The following GALNT18 variants were observed in gnomAD, a reference collection of about 807,000 sequenced individuals.
The protein encoded by GALNT18 is polypeptide N-acetylgalactosaminyltransferase 18, also known as GalNAc-transferase 18.
GALNT18 carries 44 observed loss-of-function variants against 69.5 expected under a neutral mutation model. The ratio of observed to expected loss-of-function variants is 0.63; its 90% CI spans 0.50 to 0.81. GALNT18 has a LOEUF of 0.81. Among genes scored for constraint, GALNT18 ranks in the 40% least tolerant of loss-of-function variants. GALNT18 has a pLI of 0.00. For missense variants in GALNT18, 715 were observed against 810.0 expected (o/e 0.88, Z 1.42); for synonymous variants, 364 against 318.2 (o/e 1.14, Z -1.53).
At chr11:11,395,205 C>T (rs1854299253) in intron 3 of GALNT18, among the ~76,000 whole-genome samples, 1 of 152,212 alleles carries the variant, frequency 6.6e-6, no homozygotes, top group Admixed American at 6.5e-5. Context: ...GCTGGTGTCC[C>T]CATGCCTCTA....
At position 11,592,659 on chromosome 11, in the gene GALNT18, T is replaced by C. The variant is rs567708028; in HGVS notation, c.235+28700A>G. Among the ~76,000 whole-genome samples, 1 of 152,246 alleles carries C rather than the reference T, an allele frequency of 6.6e-6. No homozygotes were observed. The highest frequency in any genetic ancestry group is 2.4e-5 in the African/African-American group (1 of 41,540). ...TGAGAAACAGTGGGAACATCCTTCA[T>C]GTAAAAATCCCACCACTCCCCAAAG... On this transcript the variant is annotated intron_variant, in intron 1 of 10. Transcript: ENST00000227756. This position sits in a 1 kb window ranked among gnomAD's most constrained non-coding sequence, Gnocchi z 5.9.
chr11:11,296,338 T>TCAA (rs1849400979), intron 9 of GALNT18, among the ~76,000 whole-genome samples: 1 of 152,168 alleles, frequency 6.6e-6, no homozygotes, highest in African/African-American at 2.4e-5. Context: ...CCCTGAATAT[T>TCAA]CAACTGTGTG....
At chr11:11,277,466 G>A (rs147393208) in intron 10 of GALNT18, among the ~76,000 whole-genome samples, 21,233 of 152,028 alleles carry the variant, frequency 0.14, 1,765 homozygotes, top group South Asian at 0.23. Flanking sequence ...TGGATTCATT[G>A]ATTGTTTGAA....
intron 8 of GALNT18, 31 bp from the exon 9 acceptor site, chr11:11,327,212 AAG>A (rs779503493): frequency 2.8e-6 from 4 of 1,448,202 alleles, no homozygotes; most frequent in East Asian, 2.3e-5. Flanking sequence ...GGCCACACCA[AAG>A]AGAGAGGAAC....
rs578138010 is a variant in GALNT18, at chr11:11,538,767, C to A, written c.235+82592G>T. Among the ~76,000 whole-genome samples the A allele has an allele frequency of 4.6e-5, 7 of 152,284 alleles. No homozygotes were observed. The East Asian group carries it at 1.4e-3, about 30-fold the overall frequency. On this transcript the variant is annotated intron_variant, in intron 1 of 10. Coordinates refer to ENST00000227756, the MANE Select transcript of GALNT18 (RefSeq NM_198516.3). This position sits in a 1 kb window ranked among gnomAD's most constrained non-coding sequence, Gnocchi z 5.2. ...GAGGCGCCATCTGGGAAGCACCTGG[C>A]CCCAGGGCCTGCACATCGCAGGCCC...
Position 11,546,701 on chromosome 11 carries a change from T to G in GALNT18, c.235+74658A>C, listed in dbSNP as rs759361695. Among the ~76,000 whole-genome samples the G allele has an allele frequency of 7.2e-5, 11 of 152,224 alleles. No homozygotes were observed. Among genetic ancestry groups the G allele is most frequent in the South Asian group, 2.1e-4 (1 of 4,834 alleles). ...AATACACCTATTCCTCAAACAGGCCTTGGTATCTACTGCAGTAGATACCCC... is the reference window on the plus strand; with the variant it reads ...AATACACCTATTCCTCAAACAGGCCGTGGTATCTACTGCAGTAGATACCCC... On this transcript the variant is annotated intron_variant, in intron 1 of 10. Transcript: ENST00000227756. This position sits in a 1 kb window ranked among gnomAD's most constrained non-coding sequence, Gnocchi z 5.8.
intron 8 of GALNT18, among the ~76,000 whole-genome samples, chr11:11,330,682 C>T (rs1032517583): frequency 5.3e-5 from 8 of 152,224 alleles, no homozygotes; most frequent in East Asian, 1.9e-4. Context: ...TAGATCACAA[C>T]CCTGTATTTG....
intron 8 of GALNT18, among the ~76,000 whole-genome samples, chr11:11,328,634 A>T (rs1849966591): frequency 6.6e-6 from 1 of 152,188 alleles, no homozygotes; most frequent in Non-Finnish European, 1.5e-5. Flanking sequence ...CCAAACTTGC[A>T]GTTCAGGGAT....
chr11:11,488,343 T>G (rs1022466785), intron 1 of GALNT18, among the ~76,000 whole-genome samples: 1 of 152,098 alleles, frequency 6.6e-6, no homozygotes, highest in African/African-American at 2.4e-5. Context: ...TCTTCGTCTG[T>G]CTTCACAGTC....
At chr11:11,450,524 G>T (rs1314453394) in intron 1 of GALNT18, among the ~76,000 whole-genome samples, 3 of 152,206 alleles carry the variant, frequency 2.0e-5, no homozygotes, top group Non-Finnish European at 4.4e-5. Context: ...AGGGGACTTA[G>T]CAAGCTCACG....
intron 1 of GALNT18, among the ~76,000 whole-genome samples, chr11:11,484,302 G>C (rs1856596001): frequency 6.6e-6 from 1 of 151,898 alleles, no homozygotes; most frequent in South Asian, 2.1e-4. Context: ...TTCAAATATA[G>C]CCAGGTGAGG....
At chr11:11,477,631 G>A (rs752730502) in intron 1 of GALNT18, among the ~76,000 whole-genome samples, 1 of 152,200 alleles carries the variant, frequency 6.6e-6, no homozygotes, top group Non-Finnish European at 1.5e-5. Context: ...TCCTCTAGTA[G>A]AATTAACAGC....
chr11:11,397,149 A>AAT (rs759027605), intron 3 of GALNT18, among the ~76,000 whole-genome samples: 8 of 152,100 alleles, frequency 5.3e-5, no homozygotes, highest in Non-Finnish European at 1.0e-4. Context: ...GCTCTATTCA[A>AAT]AGCCTTTTGG....
At position 11,387,627 on chromosome 11, in the gene GALNT18, G is replaced by C. The variant is rs575451350; in HGVS notation, c.596-8363C>G. 6.6e-6 allele frequency among the ~76,000 whole-genome samples: 1 copy of C among 152,342 alleles called. No homozygotes were observed. Among genetic ancestry groups the C allele is most frequent in the African/African-American group, 2.4e-5 (1 of 41,576 alleles). ...CATTTAGGGCCATTGAAACACAAATGCTATGTCAACACATTTTAAAGGAGA... is the reference window on the plus strand; with the variant it reads ...CATTTAGGGCCATTGAAACACAAATCCTATGTCAACACATTTTAAAGGAGA... On this transcript the variant is annotated intron_variant, in intron 3 of 10. Transcript: ENST00000227756. The surrounding 1 kb of genome is among the most constrained non-coding windows in gnomAD (Gnocchi z 4.6).
intron 6 of GALNT18, among the ~76,000 whole-genome samples, chr11:11,346,621 C>T (rs1433902988): frequency 6.6e-6 from 1 of 152,184 alleles, no homozygotes; most frequent in Non-Finnish European, 1.5e-5. Context: ...ACCATGAACT[C>T]ACTGGAGAGA....
At position 11,320,993 on chromosome 11, in the gene GALNT18, G is replaced by A. The variant is rs1167702828; in HGVS notation, c.1512+6093C>T. Among the ~76,000 whole-genome samples, 3 of 152,318 alleles carry A rather than the reference G, an allele frequency of 2.0e-5. No homozygotes were observed. The highest frequency in any genetic ancestry group is 6.5e-5 in the Admixed American group (1 of 15,300). ...CCCTGTACAGCCCAGCTGCATGAGT[G>A]TTCTGTGGCTTTGGGGGATGAGGAA... On this transcript the variant is annotated intron_variant, in intron 9 of 10. Transcript: ENST00000227756. The surrounding 1 kb of genome is among the most constrained non-coding windows in gnomAD (Gnocchi z 4.9).
chr11:11,271,576 C>T lies in GALNT18; in HGVS notation c.1678-286G>A, dbSNP rs550274864. Among the ~76,000 whole-genome samples, 507 of 93,220 alleles carry T rather than the reference C, an allele frequency of 5.4e-3. 2 individuals carry two copies. The highest frequency in any genetic ancestry group is 0.017 in the African/African-American group (471 of 27,480). The allele number at this position is 93,220 out of a possible 152,430, so 61.2% of individuals were successfully genotyped here. A position where few individuals can be genotyped will look rare whatever the true frequency, so the allele number is the denominator to read the frequency against. On this transcript the variant is annotated intron_variant, in intron 10 of 10. Transcript: ENST00000227756. The stretch of plus-strand genomic sequence containing the variant: ...GTCTACCTAGCTGGGCTGTGGTACA[C>T]CTGTTTGCACCTACAGCTCCTACCC...
At chr11:11,317,810 T>C (rs577336640) in intron 9 of GALNT18, among the ~76,000 whole-genome samples, 2 of 152,308 alleles carry the variant, frequency 1.3e-5, no homozygotes, top group South Asian at 2.1e-4. Context: ...TTCCAAAATA[T>C]GAGGACTTCA....
At chr11:11,409,379 C>A in intron 3 of GALNT18, among the ~76,000 whole-genome samples, 1 of 152,252 alleles carries the variant, frequency 6.6e-6, no homozygotes, top group South Asian at 2.1e-4. Flanking sequence ...GAATCAAAGC[C>A]GCCTCTGCTC....
Sources: gnomAD v4.1 joint callset for allele counts (sites outside exome capture counted in the v4.1 genomes callset) on GRCh38, gnomAD v4.1.1 for gene constraint, Gnocchi (gnomAD v3.1) non-coding constraint, MANE v1.5 for transcripts, NCBI Gene and HGNC (gene_info 2026-07-23, HGNC 2026-07-21) for gene names.